CCDC102B: variants seen among roughly 807,000 people sequenced by gnomAD.
CCDC102B encodes coiled-coil domain containing 102B.
CCDC102B carries 75 observed loss-of-function variants against 57.4 expected under a neutral mutation model. That is an observed-to-expected ratio of 1.31 (90% CI 1.08 to 1.58). The LOEUF is 1.58. Ranked by LOEUF, CCDC102B falls within the 40% of genes most tolerant of loss-of-function variation. The pLI is 0.00. For missense variants in CCDC102B, 636 were observed against 582.6 expected, an observed-to-expected ratio of 1.09 and a Z score of -0.94; for synonymous variants, 206 against 201.9, an observed-to-expected ratio of 1.02 and a Z score of -0.17.
At position 68,774,278 on chromosome 18, in the gene CCDC102B, A is replaced by G. The variant is rs894392051; in HGVS notation, c.-66-49088A>G. On this transcript the variant is annotated intron_variant, in intron 2 of 3. Coordinates refer to the CCDC102B transcript ENST00000578970. The stretch of plus-strand genomic sequence containing the variant: ...AACTAGAGTATATAAATGTATATGT[A>G]TATGTTTATAAATAAGTATAGTTTT... Among the ~76,000 whole-genome samples, 10 of 151,676 alleles carry G rather than the reference A, an allele frequency of 6.6e-5. No homozygotes were observed. In the East Asian group the frequency reaches 1.9e-3, roughly 29 times the overall value.
chr18:68,938,394 T>A (rs2049299018), intron 6 of CCDC102B, among the ~76,000 whole-genome samples: 2 of 152,020 alleles, frequency 1.3e-5, no homozygotes, highest in Admixed American at 1.3e-4. Flanking sequence ...TCATACAGCA[T>A]TTTGTGTATG....
chr18:68,910,111 G>T (rs572917199), intron 6 of CCDC102B, among the ~76,000 whole-genome samples: 1 of 152,094 alleles, frequency 6.6e-6, no homozygotes, highest in African/African-American at 2.4e-5. Flanking sequence ...TGGCCAACAC[G>T]GTGAAACACC....
chr18:68,979,052 A>G (rs1343712272), intron 6 of CCDC102B, among the ~76,000 whole-genome samples: 2 of 152,050 alleles, frequency 1.3e-5, no homozygotes, highest in Non-Finnish European at 2.9e-5. Flanking sequence ...CAGACTAGTG[A>G]CCACTGTGGT....
In CCDC102B at chr18:68,874,780, G is replaced by A; in HGVS notation, c.1048G>A (p.Ala350Thr). 2 of 1,570,630 alleles carry A rather than the reference G, an allele frequency of 1.3e-6. No individual in the cohort carries two copies. Among genetic ancestry groups the A allele is most frequent in the Non-Finnish European group, 1.8e-6 (2 of 1,141,176 alleles). ...AGACAGAGTGATTTGTGAGTTAAGAGCAGAGGTAAGACACTGGGTAAAGAG... is the reference window on the plus strand; with the variant it reads ...AGACAGAGTGATTTGTGAGTTAAGAACAGAGGTAAGACACTGGGTAAAGAG... ...SKDRVICELR[A>T]ELERLQAENT... is the part of the protein sequence containing the mutation. Residue 350 changes from alanine to threonine, a missense_variant, in exon 5 of 8, where the codon GCA becomes ACA. By Grantham distance (58) the Ala-to-Thr change is moderately conservative. Transcript: ENST00000360242.
chr18:68,882,233 C>T (rs1307698815), intron 5 of CCDC102B, among the ~76,000 whole-genome samples: 1 of 152,026 alleles, frequency 6.6e-6, no homozygotes, highest in East Asian at 1.9e-4. Flanking sequence ...CAAAATAATG[C>T]CTTATAGCTT....
chr18:69,002,688 G>A (rs2051236251), intron 6 of CCDC102B, among the ~76,000 whole-genome samples: 1 of 151,958 alleles, frequency 6.6e-6, no homozygotes, highest in Non-Finnish European at 1.5e-5. Flanking sequence ...CCCTTAACTA[G>A]TTCTCTATTA....
At chr18:68,925,862 G>A (rs2041457862) in intron 6 of CCDC102B, among the ~76,000 whole-genome samples, 1 of 151,828 alleles carries the variant, frequency 6.6e-6, no homozygotes, top group Admixed American at 6.6e-5. Context: ...GTTCTAATAA[G>A]CAGTTATTTT....
intron 1 of CCDC102B, among the ~76,000 whole-genome samples, chr18:68,809,167 G>A (rs939602814): frequency 1.2e-4 from 18 of 152,152 alleles, no homozygotes; most frequent in African/African-American, 4.3e-4. Context: ...ATTCATAAAC[G>A]TAATTGAGCT....
Position 68,836,823 on chromosome 18 carries a change from A to G in CCDC102B, c.60A>G (p.Gln20=). 4 of 1,613,916 alleles carry G rather than the reference A, an allele frequency of 2.5e-6. No individual in the cohort carries two copies. Among genetic ancestry groups the G allele is most frequent in the Non-Finnish European group, 3.4e-6 (4 of 1,179,888 alleles). The stretch of plus-strand genomic sequence containing the variant: ...AAACACAGATCTTCCAGATGCAACA[A>G]TCATCAATTAAGTCACGCGGCGACA... ...IEETQIFQMQ[Q]SSIKSRGDMV... Residue 20 remains glutamine, a synonymous_variant, in exon 2 of 8, where the codon CAA becomes CAG. Coordinates refer to ENST00000360242, the MANE Select transcript of CCDC102B (RefSeq NM_024781.3).
At chr18:69,046,096 C>G (rs1384786850) in intron 7 of CCDC102B, among the ~76,000 whole-genome samples, 1 of 152,066 alleles carries the variant, frequency 6.6e-6, no homozygotes, top group Non-Finnish European at 1.5e-5. Context: ...ATGATTTATA[C>G]TACTTTGAGT....
intron 6 of CCDC102B, among the ~76,000 whole-genome samples, chr18:68,961,994 A>G (rs2050058869): frequency 6.6e-6 from 1 of 152,074 alleles, no homozygotes; most frequent in Non-Finnish European, 1.5e-5. Context: ...CATGTCTTAC[A>G]CAAGTATTTC....
intron 1 of CCDC102B, among the ~76,000 whole-genome samples, chr18:68,830,634 T>TACATG (rs200824282): frequency 3.3e-5 from 5 of 151,132 alleles, no homozygotes; most frequent in African/African-American, 1.2e-4. Flanking sequence ...ATATTGTATA[T>TACATG]TATGTTTATT....
intron 2 of CCDC102B, among the ~76,000 whole-genome samples, chr18:68,757,477 A>G (rs1455419354): frequency 2.0e-5 from 3 of 152,202 alleles, no homozygotes. Flanking sequence ...TATACATAAC[A>G]AACTGGTCAA....
chr18:68,917,158 C>G (rs1262478752), intron 6 of CCDC102B, among the ~76,000 whole-genome samples: 6 of 150,526 alleles, frequency 4.0e-5, no homozygotes, highest in Admixed American at 1.3e-4. Context: ...AACTGAATTT[C>G]TTGAAAACCA....
intron 6 of CCDC102B, among the ~76,000 whole-genome samples, chr18:68,907,291 G>C (rs2040684739): frequency 1.3e-5 from 2 of 151,588 alleles, no homozygotes; most frequent in African/African-American, 4.8e-5. Flanking sequence ...AAAGCCTCCT[G>C]AAATTCCATA....
At chr18:68,996,478 A>C (rs78616672) in intron 6 of CCDC102B, among the ~76,000 whole-genome samples, 2,517 of 152,218 alleles carry the variant, frequency 0.017, 79 homozygotes, top group African/African-American at 0.057. Context: ...TGATCATGTG[A>C]GTCAATACTC....
At chr18:68,891,180 C>T (rs767236149) in intron 5 of CCDC102B, among the ~76,000 whole-genome samples, 2 of 152,114 alleles carry the variant, frequency 1.3e-5, no homozygotes, top group African/African-American at 2.4e-5. Flanking sequence ...TATTATTATA[C>T]GTAATAGCCC....
intron 4 of CCDC102B, among the ~76,000 whole-genome samples, chr18:68,863,516 T>C (rs1249440577): frequency 6.6e-6 from 1 of 151,974 alleles, no homozygotes; most frequent in Non-Finnish European, 1.5e-5. Flanking sequence ...AGCTATAATT[T>C]TCCAGCTCAG....
intron 4 of CCDC102B, among the ~76,000 whole-genome samples, chr18:68,855,953 T>G (rs1179863754): frequency 6.6e-6 from 1 of 152,096 alleles, no homozygotes; most frequent in Non-Finnish European, 1.5e-5. Flanking sequence ...AAGTGAAAAT[T>G]TAGATTTGGC....
Sources: gnomAD v4.1 joint callset for allele counts (sites outside exome capture counted in the v4.1 genomes callset) on GRCh38, gnomAD v4.1.1 for gene constraint, MANE v1.5 for transcripts, NCBI Gene and HGNC (gene_info 2026-07-23, HGNC 2026-07-21) for gene names.